The following PLCB1 variants were observed in gnomAD, a reference collection of about 807,000 sequenced individuals.
The protein encoded by PLCB1 is phospholipase C beta 1.
PLCB1 carries 46 observed loss-of-function variants against 161.8 expected under a neutral mutation model. The ratio of observed to expected loss-of-function variants is 0.28; its 90% confidence interval spans 0.22 to 0.36. The LOEUF is 0.36. Ranked by LOEUF, PLCB1 falls within the 10% of genes least tolerant of loss-of-function variation. The pLI, the probability that PLCB1 is intolerant of heterozygous loss-of-function variation, is 1.00. For synonymous variants in PLCB1, 517 were observed against 503.7 expected, an observed-to-expected ratio of 1.03 and a Z score of -0.35; for missense variants, 1,016 against 1,472.5, an observed-to-expected ratio of 0.69 and a Z score of 5.07.
intron 2 of PLCB1, among the ~76,000 whole-genome samples, chr20:8,297,955 T>G (rs886736373): frequency 4.6e-5 from 7 of 151,642 alleles, no homozygotes; most frequent in African/African-American, 1.7e-4. Context: ...GCTTCTTGTT[T>G]GCCATTTTAA....
chr20:8,781,357 A>G (rs186606268), intron 27 of PLCB1, among the ~76,000 whole-genome samples: 2 of 151,392 alleles, frequency 1.3e-5, no homozygotes, highest in East Asian at 3.9e-4. Flanking sequence ...CATTTTTGTC[A>G]ATTTTCCTGA....
At chr20:8,161,146 G>T (rs1363153037) in intron 2 of PLCB1, among the ~76,000 whole-genome samples, 1 of 151,774 alleles carries the variant, frequency 6.6e-6, no homozygotes, top group Non-Finnish European at 1.5e-5. Flanking sequence ...TATATTTATA[G>T]CATATACATA....
chr20:8,510,686 C>T (rs927412584), intron 3 of PLCB1, among the ~76,000 whole-genome samples: 2 of 152,224 alleles, frequency 1.3e-5, no homozygotes, highest in Non-Finnish European at 1.5e-5. Context: ...CCACCGTGCC[C>T]GGCAACCCTG....
At chr20:8,363,056 T>C (rs1568646812) in intron 2 of PLCB1, among the ~76,000 whole-genome samples, 1 of 152,162 alleles carries the variant, frequency 6.6e-6, no homozygotes, top group Non-Finnish European at 1.5e-5. Context: ...TCAATAATGG[T>C]GACAGCATTG....
chr20:8,256,628 G>A (rs764856193), intron 2 of PLCB1: 18 of 152,156 alleles, frequency 1.2e-4, no homozygotes, highest in Non-Finnish European at 2.4e-4. Flanking sequence ...AAATGGCAGA[G>A]TAACAAGGCA....
chr20:8,853,956 C>T (rs1568625762), intron 31 of PLCB1, among the ~76,000 whole-genome samples: 2 of 152,270 alleles, frequency 1.3e-5, no homozygotes, highest in East Asian at 3.9e-4. Flanking sequence ...TTTACTATTT[C>T]ACCACTAGAG....
intron 2 of PLCB1, among the ~76,000 whole-genome samples, chr20:8,268,497 G>T (rs1283414082): frequency 6.6e-6 from 1 of 152,122 alleles, no homozygotes; most frequent in African/African-American, 2.4e-5. Context: ...TGGGATGGCT[G>T]GATCAAATGG....
chr20:8,742,584 A>T (rs1007688460), intron 23 of PLCB1, among the ~76,000 whole-genome samples: 2 of 152,208 alleles, frequency 1.3e-5, no homozygotes, highest in Non-Finnish European at 2.9e-5. Context: ...TGTGGGGTGT[A>T]TACATATCTA....
At chr20:8,608,059 G>A (rs1987806934) in intron 3 of PLCB1, among the ~76,000 whole-genome samples, 1 of 152,054 alleles carries the variant, frequency 6.6e-6, no homozygotes, top group Non-Finnish European at 1.5e-5. Context: ...AGGGAGCTGG[G>A]AGTGTGTGCT....
chr20:8,462,774 G>A (rs1981636700), intron 3 of PLCB1, among the ~76,000 whole-genome samples: 1 of 142,000 alleles, frequency 7.0e-6, no homozygotes, highest in South Asian at 2.2e-4. Context: ...CACCACCTAA[G>A]CTCCATGCCT....
chr20:8,760,781 A>G (rs905196111), intron 25 of PLCB1, among the ~76,000 whole-genome samples: 1 of 152,224 alleles, frequency 6.6e-6, no homozygotes, highest in Non-Finnish European at 1.5e-5. Context: ...CCAAATTGCC[A>G]ATAATAAACT....
intron 3 of PLCB1, among the ~76,000 whole-genome samples, chr20:8,565,130 A>G (rs1662374068): frequency 6.6e-6 from 1 of 152,228 alleles, no homozygotes; most frequent in South Asian, 2.1e-4. Context: ...AATGTGGCAC[A>G]TATATACCAT....
At chr20:8,238,526 A>G (rs941580534) in intron 2 of PLCB1, among the ~76,000 whole-genome samples, 43 of 151,972 alleles carry the variant, frequency 2.8e-4, no homozygotes, top group African/African-American at 9.7e-4. Flanking sequence ...CAGATGTCAT[A>G]TACTAGATGA....
intron 3 of PLCB1, among the ~76,000 whole-genome samples, chr20:8,384,030 C>T (rs1239502299): frequency 2.6e-5 from 4 of 151,922 alleles, no homozygotes; most frequent in East Asian, 1.9e-4. Flanking sequence ...GGTATCTTAG[C>T]GGTGTTCTCT....
At chr20:8,638,615 C>G (rs1280651347) in intron 4 of PLCB1, among the ~76,000 whole-genome samples, 1 of 152,066 alleles carries the variant, frequency 6.6e-6, no homozygotes, top group African/African-American at 2.4e-5. Context: ...TGTCAAGAAA[C>G]AGAACTAGGA....
At chr20:8,868,886 G>A (rs888737687) in intron 31 of PLCB1, among the ~76,000 whole-genome samples, 13 of 151,918 alleles carry the variant, frequency 8.6e-5, no homozygotes, top group African/African-American at 1.5e-4. Context: ...CACCCACCTC[G>A]GCCTCCCAAA....
chr20:8,526,557 G>A lies in PLCB1; in HGVS notation c.247-101737G>A, dbSNP rs74872791. Among the ~76,000 whole-genome samples the A allele has an allele frequency of 5.6e-3, 853 of 152,052 alleles. 8 individuals are homozygous for A. Among genetic ancestry groups the A allele is most frequent in the African/African-American group, 0.018 (743 of 41,490 alleles). On this transcript the variant is annotated intron_variant, in intron 3 of 31. Coordinates refer to ENST00000338037, the MANE Select transcript of PLCB1 (RefSeq NM_015192.4). Reference sequence around the variant, plus strand: ...TTTGACTTATTAATACATTTCCATCGGCCTTTCCTGGTAATAAACATTCTT... The same window carrying A: ...TTTGACTTATTAATACATTTCCATCAGCCTTTCCTGGTAATAAACATTCTT...
At chr20:8,242,614 G>A (rs1015619022) in intron 2 of PLCB1, among the ~76,000 whole-genome samples, 2 of 151,932 alleles carry the variant, frequency 1.3e-5, no homozygotes, top group Non-Finnish European at 2.9e-5. Context: ...AAAGGTAATG[G>A]TAACAATAGA....
intron 8 of PLCB1, among the ~76,000 whole-genome samples, chr20:8,658,321 A>G (rs1381304440): frequency 1.3e-5 from 2 of 152,150 alleles, no homozygotes; most frequent in African/African-American, 4.8e-5. Context: ...TTGCAAGAGC[A>G]TTGGGTTTTA....
Sources: gnomAD v4.1 joint callset for allele counts (sites outside exome capture counted in the v4.1 genomes callset) on GRCh38, gnomAD v4.1.1 for gene constraint, MANE v1.5 for transcripts, NCBI Gene and HGNC (gene_info 2026-07-23, HGNC 2026-07-21) for gene names.